The following SLC43A3 variants were observed in gnomAD, a reference collection of about 807,000 sequenced individuals.
SLC43A3 encodes solute carrier family 43 member 3, also known as equilibrative nucleobase transporter 1.
Under a neutral mutation model 53.3 loss-of-function variants are expected in SLC43A3, and 33 were observed. That is an observed-to-expected ratio of 0.62 (90% confidence interval 0.47 to 0.83). The LOEUF (loss-of-function observed/expected upper bound fraction) is 0.83. SLC43A3 is among the 40% of genes least tolerant of loss of function. The pLI, the probability that SLC43A3 is intolerant of heterozygous loss-of-function variation, is 0.00. For synonymous variants in SLC43A3, 236 were observed against 246.2 expected, an observed-to-expected ratio of 0.96 and a Z score of 0.39; for missense variants, 530 against 610.0, an observed-to-expected ratio of 0.87 and a Z score of 1.38.
chr11:57,417,731 C>A lies in SLC43A3; in HGVS notation c.671+17G>T. 1 of 1,613,782 alleles carries A rather than the reference C, an allele frequency of 6.2e-7. No homozygotes were observed. The highest frequency in any genetic ancestry group is 1.1e-5 in the South Asian group (1 of 91,018). On this transcript the variant is annotated intron_variant, in intron 8 of 13. Transcript: ENST00000395124. ...CCAATGAGGGGCTCTGGCCCACAAT[C>A]ACCAGATAGTCCTTACCCATAGCTG...
intron 12 of SLC43A3, 119 bp from the exon 13 acceptor site, chr11:57,409,417 TCCAACCACA>T: frequency 8.8e-7 from 1 of 1,139,806 alleles, no homozygotes; most frequent in South Asian, 1.4e-5. Context: ...AGGCCTGCCC[TCCAACCACA>T]CCTGTCTGGC....
At chr11:57,416,920 GAA>G (rs939822365) in intron 8 of SLC43A3, among the ~76,000 whole-genome samples, 5 of 152,218 alleles carry the variant, frequency 3.3e-5, no homozygotes, top group Admixed American at 1.3e-4. Context: ...TAGGAAGCAT[GAA>G]AAGAGTAGGG....
At chr11:57,412,326 T>C (rs1245941630) in intron 11 of SLC43A3, among the ~76,000 whole-genome samples, 4 of 152,208 alleles carry the variant, frequency 2.6e-5, no homozygotes, top group Non-Finnish European at 4.4e-5. Context: ...GATTAAAACA[T>C]GTCAAATATA....
intron 7 of SLC43A3, among the ~76,000 whole-genome samples, chr11:57,419,443 G>C (rs1255442500): frequency 6.6e-6 from 1 of 152,212 alleles, no homozygotes; most frequent in African/African-American, 2.4e-5. Context: ...GTAAGCAGCA[G>C]CAAAGTCAGA....
chr11:57,426,196 A>T lies in SLC43A3; in HGVS notation c.-24T>A. On this transcript the variant is annotated 5_prime_UTR_variant, in exon 3 of 14. It introduces an in-frame stop codon into an upstream open reading frame of the 5' UTR. Coordinates refer to ENST00000395124, the MANE Select transcript of SLC43A3 (RefSeq NM_199329.3). ...ATGAGCAGAAGTGGAGTGGATCTTC[A>T]AATCCCACTTTGTCCTCCTGGACGG... The T allele has an allele frequency of 6.2e-7, 1 of 1,611,728 alleles. No individual in the cohort carries two copies. The highest frequency in any genetic ancestry group is 8.5e-7 in the Non-Finnish European group (1 of 1,178,408).
intron 6 of SLC43A3, 48 bp from the exon 7 acceptor site, chr11:57,421,112 G>C: frequency 7.0e-7 from 1 of 1,418,946 alleles, no homozygotes; most frequent in Non-Finnish European, 1.0e-6. Flanking sequence ...TCATGAAACA[G>C]ATACTTCCTG....
chr11:57,407,691 G>C lies in SLC43A3; in HGVS notation c.*101C>G, dbSNP rs1233901876. On this transcript the variant is annotated 3_prime_UTR_variant, in exon 14 of 14. Coordinates refer to ENST00000395124, the MANE Select transcript of SLC43A3 (RefSeq NM_199329.3). ...TGTGTGTGTGTGTGTGTGTGTGTGT[G>C]TTTTGCTGGGATAGGCAAAGTCTTT... 4.6e-6 allele frequency: 3 copies of C among 656,706 alleles called. No individual in the cohort carries two copies. The East Asian group carries it at 8.1e-5, about 18-fold the overall frequency. The allele number at this position is 656,706 out of a possible 1,614,324, so 40.7% of individuals were successfully genotyped here. A position where few individuals can be genotyped will look rare whatever the true frequency, so the allele number is the denominator to read the frequency against.
At chr11:57,415,670 T>A (rs1325169254) in intron 9 of SLC43A3, among the ~76,000 whole-genome samples, 1 of 152,200 alleles carries the variant, frequency 6.6e-6, no homozygotes, top group African/African-American at 2.4e-5. Context: ...TAGATTAGGA[T>A]GGACTTAATC....
intron 3 of SLC43A3, 159 bp from the exon 4 acceptor site, chr11:57,425,829 C>T: frequency 7.3e-7 from 1 of 1,373,416 alleles, no homozygotes. Context: ...GGAGCTGGTG[C>T]CTCCCTCCCA....
At chr11:57,412,296 A>G (rs1313213681) in intron 11 of SLC43A3, among the ~76,000 whole-genome samples, 1 of 152,256 alleles carries the variant, frequency 6.6e-6, no homozygotes, top group African/African-American at 2.4e-5. Flanking sequence ...TTGAGCATCA[A>G]GAAGAATCAT....
chr11:57,411,850 T>C (rs1280461045), intron 11 of SLC43A3, among the ~76,000 whole-genome samples: 1 of 152,196 alleles, frequency 6.6e-6, no homozygotes, highest in African/African-American at 2.4e-5. Flanking sequence ...TAAAATACTA[T>C]ATATGTGTAT....
chr11:57,411,702 A>T (rs1267342855), intron 11 of SLC43A3, among the ~76,000 whole-genome samples: 1 of 151,906 alleles, frequency 6.6e-6, no homozygotes, highest in Non-Finnish European at 1.5e-5. Flanking sequence ...TTGACTGTAC[A>T]TCTCTAATGG....
rs1199214874 is a variant in SLC43A3, at chr11:57,416,197, G to C, written c.769+376C>G. 2.0e-5 allele frequency among the ~76,000 whole-genome samples: 3 copies of C among 152,182 alleles called. No individual in the cohort carries two copies. In the East Asian group the frequency reaches 5.8e-4, roughly 29 times the overall value. On this transcript the variant is annotated intron_variant, in intron 9 of 13. Transcript: ENST00000395124. ...ACAGAGAGGAAGGAAAGGAAGCAGT[G>C]ATAGAGTTGGGACAATAAGAGAGGG...
In SLC43A3 at chr11:57,421,016, T is replaced by C. The variant is rs1313699703; in HGVS notation, c.487A>G (p.Asn163Asp). ...QHRSTIITLYNGAFDSSSAVF... is the reference protein window; with the variant it reads ...QHRSTIITLYDGAFDSSSAVF... The stretch of plus-strand genomic sequence containing the variant: ...GCCGAGGAAGAGTCAAATGCTCCAT[T>C]GTACAGAGTGATGATGGTCGAACGG... Residue 163 changes from asparagine to aspartate, a missense_variant, in exon 7 of 14, where the codon AAT (asparagine) becomes GAT (aspartate). Transcript: ENST00000395124. 1 of 1,613,988 alleles carries C rather than the reference T, an allele frequency of 6.2e-7. No homozygotes were observed. Among genetic ancestry groups the C allele is most frequent in the Admixed American group, 1.7e-5 (1 of 60,026 alleles).
intron 4 of SLC43A3, among the ~76,000 whole-genome samples, chr11:57,424,249 G>T (rs1312832243): frequency 6.6e-6 from 1 of 152,214 alleles, no homozygotes; most frequent in Non-Finnish European, 1.5e-5. Flanking sequence ...AGTGCATTTT[G>T]CTCATTCTGA....
intron 13 of SLC43A3, 41 bp from the exon 14 acceptor site, chr11:57,407,937 G>GAAC (rs1565092375): frequency 7.5e-7 from 1 of 1,328,746 alleles, no homozygotes; most frequent in South Asian, 1.2e-5. Flanking sequence ...CAGGAATTCT[G>GAAC]AACAACAGAA....
chr11:57,416,519 G>A, intron 9 of SLC43A3, 54 bp downstream of exon 9: 1 of 1,431,456 alleles, frequency 7.0e-7, no homozygotes, highest in South Asian at 1.2e-5. Context: ...GCCAGGAAAG[G>A]CACAAGGAGA....
Position 57,409,205 on chromosome 11 carries a change from G to C in SLC43A3, c.1341C>G (p.Ile447Met). Residue 447 changes from isoleucine to methionine, a missense_variant, in exon 13 of 14, where the codon ATC (isoleucine) becomes ATG (methionine). Ile to Met is a conservative substitution (Grantham distance 10, BLOSUM62 1). Coordinates refer to ENST00000395124, the MANE Select transcript of SLC43A3 (RefSeq NM_199329.3). ...SLLQFPIFTL[I>M]KGSLQNDPFY... ...ATGGGTCATTCTGAAGGGAGCCTTT[G>C]ATGAGGGTGAAGATGGGGAACTGGA... 8 of 1,614,194 alleles carry C rather than the reference G, an allele frequency of 5.0e-6. No individual in the cohort carries two copies. The highest frequency in any genetic ancestry group is 5.1e-6 in the Non-Finnish European group (6 of 1,180,016).
chr11:57,411,471 C>CAAAAA (rs56994898), intron 11 of SLC43A3, among the ~76,000 whole-genome samples: 5 of 78,852 alleles, frequency 6.3e-5, no homozygotes, highest in African/African-American at 1.1e-4. Context: ...CCTTCCTCTA[C>CAAAAA]AAAAAAAAAA....
Sources: gnomAD v4.1 joint callset for allele counts (sites outside exome capture counted in the v4.1 genomes callset) on GRCh38, gnomAD v4.1.1 for gene constraint, MANE v1.5 for transcripts, NCBI Gene and HGNC (gene_info 2026-07-23, HGNC 2026-07-21) for gene names.